The following TTC39A variants were observed in gnomAD, a reference collection of about 807,000 sequenced individuals.
The protein encoded by TTC39A is tetratricopeptide repeat protein 39A.
A neutral mutation model predicts 82.3 loss-of-function variants in TTC39A; 46 were observed. That is an observed-to-expected ratio of 0.56 (90% CI 0.44 to 0.71). The LOEUF (loss-of-function observed/expected upper bound fraction) is 0.71, where lower values mean the gene tolerates loss of function less well. TTC39A is among the 30% of genes least tolerant of loss of function. TTC39A has a pLI of 0.00. For missense variants in TTC39A, 543 were observed against 712.9 expected (o/e 0.76, Z 2.71); for synonymous variants, 254 against 275.2 (o/e 0.92, Z 0.76).
At chr1:51,316,142 C>T (rs114191755) in intron 2 of TTC39A, among the ~76,000 whole-genome samples, 61 of 152,264 alleles carry the variant, frequency 4.0e-4, no homozygotes, top group African/African-American at 1.3e-3. Context: ...GAACAGCCCA[C>T]GTCTTGCTCA....
upstream of TTC39A, among the ~76,000 whole-genome samples, chr1:51,336,199 T>A (rs1372957893): frequency 6.6e-6 from 1 of 152,182 alleles, no homozygotes; most frequent in Non-Finnish European, 1.5e-5. Context: ...TGAACAGGCC[T>A]GTCAACAAAG....
chr1:51,313,511 C>T (rs367911400), intron 2 of TTC39A, among the ~76,000 whole-genome samples: 29 of 152,290 alleles, frequency 1.9e-4, no homozygotes, highest in East Asian at 1.5e-3. Context: ...GAGATCCTGC[C>T]GGGGCTAAAG....
At chr1:51,306,566 C>A (rs1309945398) in intron 6 of TTC39A, among the ~76,000 whole-genome samples, 1 of 152,162 alleles carries the variant, frequency 6.6e-6, no homozygotes, top group Non-Finnish European at 1.5e-5. Flanking sequence ...TAGCTGAAAA[C>A]CACTGGGCTA....
intron 1 of TTC39A, among the ~76,000 whole-genome samples, chr1:51,338,054 G>A (rs1347412699): frequency 6.6e-6 from 1 of 151,820 alleles, no homozygotes; most frequent in African/African-American, 2.4e-5. Flanking sequence ...ACAGTGCCTG[G>A]CTCAATAAAA....
At position 51,330,086 on chromosome 1, in the gene TTC39A, C is replaced by G. The variant is rs1645848049; in HGVS notation, c.41+351G>C. On this transcript the variant is annotated intron_variant, in intron 1 of 17. Coordinates refer to ENST00000680483, the MANE Select transcript of TTC39A (RefSeq NM_001297663.2). This position sits in a 1 kb window ranked among gnomAD's most constrained non-coding sequence, Gnocchi z 4.5. ...TCACTTAAGTGCTGTGTCTCAGTTTCCTCATCTGTAATGGGGATGAGAGTA... is the reference window on the plus strand; with the variant it reads ...TCACTTAAGTGCTGTGTCTCAGTTTGCTCATCTGTAATGGGGATGAGAGTA... 1.1e-6 allele frequency: 1 copy of G among 951,158 alleles called. No individual in the cohort carries two copies. Among genetic ancestry groups the G allele is most frequent in the South Asian group, 4.8e-5 (1 of 20,684 alleles). The allele number at this position is 951,158 out of a possible 1,614,324, so 58.9% of individuals were successfully genotyped here. A position where few individuals can be genotyped will look rare whatever the true frequency, so the allele number is the denominator to read the frequency against.
At chr1:51,322,752 T>C (rs550049122) in intron 1 of TTC39A, among the ~76,000 whole-genome samples, 18 of 152,314 alleles carry the variant, frequency 1.2e-4, no homozygotes, top group Non-Finnish European at 1.9e-4. Flanking sequence ...TCAAGGGGCC[T>C]CCTTTGAGTG....
chr1:51,316,177 C>T (rs1007170638), intron 2 of TTC39A, among the ~76,000 whole-genome samples: 1 of 152,218 alleles, frequency 6.6e-6, no homozygotes, highest in Non-Finnish European at 1.5e-5. Flanking sequence ...GCACCCAGCA[C>T]ACTGCCGGGC....
chr1:51,338,196 A>T (rs1238597906), intron 1 of TTC39A, among the ~76,000 whole-genome samples: 1 of 152,218 alleles, frequency 6.6e-6, no homozygotes, highest in Non-Finnish European at 1.5e-5. Context: ...GAGATACTGA[A>T]GCCATTTCTG....
chr1:51,330,731 A>C, upstream of TTC39A: 1 of 660,284 alleles, frequency 1.5e-6, no homozygotes, highest in Non-Finnish European at 1.9e-6. The surrounding 1 kb of genome is among the most constrained non-coding windows in gnomAD (Gnocchi z 4.5). Context: ...CCGCTCCGAC[A>C]GGTGAGAGCC....
intron 9 of TTC39A, 68 bp from the exon 10 acceptor site, chr1:51,302,641 C>A: frequency 6.6e-7 from 1 of 1,525,712 alleles, no homozygotes; most frequent in Non-Finnish European, 8.9e-7. Flanking sequence ...CTGCCAGCAA[C>A]CCAGCAGGGG....
intron 16 of TTC39A, 86 bp from the exon 17 acceptor site, chr1:51,289,041 T>C (rs969310896): frequency 1.6e-5 from 21 of 1,293,796 alleles, no homozygotes; most frequent in Non-Finnish European, 2.1e-5. Flanking sequence ...GAACTCCAAT[T>C]TTGGGAGGTT....
Position 51,321,885 on chromosome 1 carries a change from C to G in TTC39A, c.42-60G>C. ...CCTCCAACCCTCCAGCCTCTCCTGG[C>G]TGGAACAGAGCCTCACAGGGTCTAC... is the stretch of plus-strand genomic sequence containing the variant. On this transcript the variant is annotated intron_variant, in intron 1 of 17. Transcript: ENST00000680483. The surrounding 1 kb of genome is among the most constrained non-coding windows in gnomAD (Gnocchi z 4.6). 1 of 1,519,982 alleles carries G rather than the reference C, an allele frequency of 6.6e-7. No individual in the cohort carries two copies. Among genetic ancestry groups the G allele is most frequent in the Non-Finnish European group, 9.0e-7 (1 of 1,112,116 alleles). 94.2% of individuals were successfully genotyped at this position (1,519,982 alleles called of 1,614,324 possible).
upstream of TTC39A, chr1:51,331,439 C>T: frequency 7.0e-7 from 1 of 1,419,132 alleles, no homozygotes; most frequent in Non-Finnish European, 9.2e-7. Flanking sequence ...ATGTGGCTGC[C>T]ATTAGAGCTG....
chr1:51,312,109 GA>G lies in TTC39A; in HGVS notation c.355+9del. 6.2e-7 allele frequency: 1 copy of G among 1,609,538 alleles called. No homozygotes were observed. The highest frequency in any genetic ancestry group is 8.5e-7 in the Non-Finnish European group (1 of 1,178,114). ...TTAGCATGGTTGAAAGGATGTCCTG[GA>G]TGCCACACCTTCAGTGAATTGGCCC... On this transcript the variant is annotated intron_variant, in intron 4 of 17. Coordinates refer to ENST00000680483, the MANE Select transcript of TTC39A (RefSeq NM_001297663.2).
chr1:51,290,413 G>T (rs1364015397), intron 15 of TTC39A, 101 bp downstream of exon 15: 1 of 1,050,614 alleles, frequency 9.5e-7, no homozygotes, highest in Non-Finnish European at 1.4e-6. Flanking sequence ...AAGGAGAGTT[G>T]CCAGGGTAGG....
At chr1:51,293,396 T>C (rs934591087) in intron 14 of TTC39A, among the ~76,000 whole-genome samples, 8 of 152,220 alleles carry the variant, frequency 5.3e-5, no homozygotes, top group Non-Finnish European at 1.0e-4. Context: ...TAAAATATTT[T>C]AAAACTTTAG....
At chr1:51,306,949 A>G (rs1644893834) in intron 6 of TTC39A, among the ~76,000 whole-genome samples, 2 of 148,246 alleles carry the variant, frequency 1.3e-5, no homozygotes, top group South Asian at 4.2e-4. Flanking sequence ...GGGATAGGAA[A>G]GGCTTCCCTG....
chr1:51,300,458 C>G (rs1644609498), intron 12 of TTC39A: 1 of 152,242 alleles, frequency 6.6e-6, no homozygotes, highest in Non-Finnish European at 1.5e-5. Flanking sequence ...CTGCCTGGAG[C>G]TTTGCAGGGA....
intron 2 of TTC39A, among the ~76,000 whole-genome samples, chr1:51,317,905 G>C (rs1189481520): frequency 6.6e-6 from 1 of 152,176 alleles, no homozygotes; most frequent in Non-Finnish European, 1.5e-5. Context: ...GTTAGGACGA[G>C]GGTTTCCTTT....
Sources: allele counts gnomAD v4.1 joint callset (sites outside exome capture counted in the v4.1 genomes callset), GRCh38; gene constraint gnomAD v4.1.1; non-coding constraint Gnocchi (gnomAD v3.1); transcripts MANE v1.5; gene names NCBI Gene and HGNC (gene_info 2026-07-23, HGNC 2026-07-21).